DNAH12: variants seen among roughly 807,000 people sequenced by gnomAD.
DNAH12 encodes axonemal beta dynein heavy chain 12.
DNAH12 carries 285 observed loss-of-function variants against 371.5 expected under a neutral mutation model. The observed-to-expected ratio is 0.77, with a 90% CI of 0.70 to 0.85. The LOEUF (loss-of-function observed/expected upper bound fraction) is 0.85, where lower values mean the gene tolerates loss of function less well. DNAH12 is among the 40% of genes least tolerant of loss of function. The pLI is 0.00. For missense variants in DNAH12, 3,611 were observed against 3,689.4 expected, an observed-to-expected ratio of 0.98 and a Z score of 0.55; for synonymous variants, 1,200 against 1,213.0, an observed-to-expected ratio of 0.99 and a Z score of 0.22.
chr3:57,414,038 T>C (rs2064288883), intron 38 of DNAH12, 126 bp from the exon 39 acceptor site: 1 of 844,736 alleles, frequency 1.2e-6, no homozygotes, highest in East Asian at 2.8e-5. Context: ...TTTTTACCAG[T>C]AACAATTACT....
intron 8 of DNAH12, among the ~76,000 whole-genome samples, chr3:57,506,732 G>A (rs140489099): frequency 2.3e-3 from 345 of 152,220 alleles, no homozygotes; most frequent in Non-Finnish European, 3.6e-3. Flanking sequence ...GTGAGACACC[G>A]TGCCCAGCCT....
chr3:57,373,481 A>ATTTTTTT (rs879077079), intron 55 of DNAH12, among the ~76,000 whole-genome samples: 2 of 140,974 alleles, frequency 1.4e-5, no homozygotes, highest in Non-Finnish European at 1.5e-5. Flanking sequence ...CACCTGGCTA[A>ATTTTTTT]TTTTTTTTTT....
chr3:57,359,211 A>T (rs895717851), intron 58 of DNAH12, among the ~76,000 whole-genome samples: 18,614 of 152,306 alleles, frequency 0.12, 1,643 homozygotes, highest in East Asian at 0.52. Flanking sequence ...AATACATTTT[A>T]AAAATCATTT....
At chr3:57,317,727 A>G (rs1381085745) in intron 65 of DNAH12, among the ~76,000 whole-genome samples, 1 of 152,020 alleles carries the variant, frequency 6.6e-6, no homozygotes, top group African/African-American at 2.4e-5. Context: ...TCTGTTTTTA[A>G]TTTTTTGAGA....
intron 12 of DNAH12, among the ~76,000 whole-genome samples, chr3:57,487,969 G>T (rs776769293): frequency 6.6e-6 from 1 of 151,536 alleles, no homozygotes; most frequent in Admixed American, 6.6e-5. Flanking sequence ...GAAAGGGAAA[G>T]GTTCTAATAC....
rs1553680833 is a variant in DNAH12, at chr3:57,405,626, C to T, written c.6576+27G>A. 3 of 1,540,888 alleles carry T rather than the reference C, an allele frequency of 1.9e-6. No individual in the cohort carries two copies. The South Asian group carries it at 3.6e-5, about 19-fold the overall frequency. On this transcript the variant is annotated intron_variant, in intron 41 of 73. Transcript: ENST00000495027. ...ATTCATATATGGTACTGCTTTAACT[C>T]AATATGTTCTTAATCGCCATACTCA...
At chr3:57,519,708 G>A in intron 4 of DNAH12, 1 of 1,611,076 alleles carries the variant, frequency 6.2e-7, no homozygotes, top group Non-Finnish European at 8.5e-7. Flanking sequence ...CCTGCTGGCA[G>A]AGAGGGCAGC....
chr3:57,531,767 CAAAAAAAAAAAAAA>C (rs35142998), intron 2 of DNAH12, among the ~76,000 whole-genome samples: 1 of 50,274 alleles, frequency 2.0e-5, no homozygotes, highest in East Asian at 1.1e-3. Context: ...CACTCCATCT[CAAAAAAAAAAAAAA>C]AAAAAAAAAA....
chr3:57,341,253 C>A (rs1275272548), intron 60 of DNAH12, among the ~76,000 whole-genome samples: 1 of 151,858 alleles, frequency 6.6e-6, no homozygotes, highest in African/African-American at 2.4e-5. Context: ...TTAGCCAGAG[C>A]AATTAGGCAA....
chr3:57,472,266 T>C (rs1171387538), intron 14 of DNAH12, among the ~76,000 whole-genome samples: 4 of 152,184 alleles, frequency 2.6e-5, no homozygotes, highest in South Asian at 4.1e-4. Flanking sequence ...GTTAAATAAT[T>C]GAATAAATGG....
At chr3:57,478,264 C>A (rs1273066228) in intron 13 of DNAH12, among the ~76,000 whole-genome samples, 1 of 152,142 alleles carries the variant, frequency 6.6e-6, no homozygotes, top group East Asian at 1.9e-4. Context: ...GGCACAAGAA[C>A]TACGTGACGA....
At position 57,510,896 on chromosome 3, in the gene DNAH12, C is replaced by T. The variant is rs1038214692; in HGVS notation, c.363G>A (p.Arg121=). The change falls in exon 5 of 74, where the codon AGG becomes AGA. Residue 121 remains arginine, a synonymous_variant. Coordinates refer to ENST00000495027, the MANE Select transcript of DNAH12 (RefSeq NM_001366028.2). ...CTTCCTTTAAAGACTCAGGTATCAGCCTTAACATGTGATCCAGCCATTCCT... is the reference window on the plus strand; with the variant it reads ...CTTCCTTTAAAGACTCAGGTATCAGTCTTAACATGTGATCCAGCCATTCCT... ...IQQEWLDHML[R]LIPESLKEGK... is the part of the protein sequence containing the mutation. 1 of 1,613,902 alleles carries T rather than the reference C, an allele frequency of 6.2e-7. No individual in the cohort carries two copies. The highest frequency in any genetic ancestry group is 1.3e-5 in the African/African-American group (1 of 74,898).
intron 49 of DNAH12, among the ~76,000 whole-genome samples, chr3:57,383,064 T>C (rs1055842584): frequency 3.3e-5 from 5 of 152,104 alleles, no homozygotes; most frequent in Non-Finnish European, 7.4e-5. Flanking sequence ...TAGATTACAG[T>C]GGAGGTTACG....
chr3:57,405,607 A>G (rs1559621879), intron 41 of DNAH12, 46 bp downstream of exon 41: 1 of 1,492,534 alleles, frequency 6.7e-7, no homozygotes, highest in South Asian at 1.3e-5. Flanking sequence ...AACAATTCAT[A>G]TATGGTACTG....
chr3:57,472,678 A>C lies in DNAH12; in HGVS notation c.1651-7T>G. ...TCATTTGGCGTTTAGATTCCTACAA[A>C]AGAAACTCTGGATATAATATGTCAT... On this transcript the variant is annotated splice_region_variant and splice_polypyrimidine_tract_variant and intron_variant, in intron 13 of 73. Coordinates refer to ENST00000495027, the MANE Select transcript of DNAH12 (RefSeq NM_001366028.2). 6.5e-7 allele frequency: 1 copy of C among 1,547,634 alleles called. No individual in the cohort carries two copies. The highest frequency in any genetic ancestry group is 1.4e-5 in the African/African-American group (1 of 72,984).
chr3:57,360,818 T>C (rs2062910741), intron 58 of DNAH12, among the ~76,000 whole-genome samples: 1 of 152,050 alleles, frequency 6.6e-6, no homozygotes, highest in Non-Finnish European at 1.5e-5. Flanking sequence ...TTAATTACCC[T>C]AAAGTGAAGG....
At chr3:57,512,493 G>C (rs940156009) in intron 4 of DNAH12, 5 of 152,202 alleles carry the variant, frequency 3.3e-5, no homozygotes, top group African/African-American at 1.2e-4. Flanking sequence ...GAATGATACA[G>C]AGAAGATCAG....
Position 57,322,444 on chromosome 3 carries a change from T to G in DNAH12, c.10423A>C (p.Asn3475His). The change falls in exon 65 of 74, where the codon AAT (asparagine) becomes CAT (histidine). Residue 3475 changes from asparagine (N) to histidine (H), a missense_variant. This residue lies in a region of DNAH12 where 2,266 missense variants were observed against 2,236.9 expected (regional missense o/e 1.01). Coordinates refer to ENST00000495027, the MANE Select transcript of DNAH12 (RefSeq NM_001366028.2). The stretch of plus-strand genomic sequence containing the variant: ...AGCCGAAGACCCGTGGGAGGTTCAT[T>G]AGTCATTTTTACTCCATTCTGTAGA... ...TILQNGVKMT[N>H]EPPTGLRLNL... The G allele has an allele frequency of 4.5e-6, 7 of 1,552,244 alleles. No individual in the cohort carries two copies. The highest frequency in any genetic ancestry group is 1.4e-5 in the African/African-American group (1 of 73,156).
chr3:57,540,145 G>T (rs960927285), intron 2 of DNAH12, among the ~76,000 whole-genome samples: 1 of 151,772 alleles, frequency 6.6e-6, no homozygotes, highest in East Asian at 1.9e-4. Context: ...CCACCTCCCC[G>T]GTTCAAGCTA....
Sources: allele counts gnomAD v4.1 joint callset (sites outside exome capture counted in the v4.1 genomes callset), GRCh38; gene constraint gnomAD v4.1.1; regional missense constraint gnomAD v4.1.1; transcripts MANE v1.5; gene names NCBI Gene and HGNC (gene_info 2026-07-23, HGNC 2026-07-21).